NDUFS6: variants seen among roughly 807,000 people sequenced by gnomAD.
NDUFS6 encodes NADH dehydrogenase [ubiquinone] iron-sulfur protein 6, mitochondrial.
A neutral mutation model predicts 13.2 loss-of-function variants in NDUFS6; 14 were observed. That is an observed-to-expected ratio of 1.06 (90% confidence interval 0.70 to 1.66). NDUFS6 has a LOEUF of 1.66. Ranked by LOEUF, NDUFS6 falls within the 40% of genes most tolerant of loss-of-function variation. NDUFS6 has a pLI of 0.00. For synonymous variants in NDUFS6, 95 were observed against 72.3 expected, an observed-to-expected ratio of 1.31 and a Z score of -1.60; for missense variants, 206 against 170.8, an observed-to-expected ratio of 1.21 and a Z score of -1.15.
At chr5:1,803,669 A>G (rs577860532) in intron 2 of NDUFS6, among the ~76,000 whole-genome samples, 7 of 152,044 alleles carry the variant, frequency 4.6e-5, no homozygotes, top group Non-Finnish European at 1.0e-4. Flanking sequence ...ATCCTCAGAA[A>G]CCCTTTTCTG....
Position 1,814,517 on chromosome 5 carries a change from C to T in NDUFS6, c.309+56C>T. ...GGGCAGCCTGCTCGTCCTCATACTC[C>T]CCTTCACTCCCAGTGCCTGTTCTTT... On this transcript the variant is annotated intron_variant, in intron 3 of 3. Coordinates refer to ENST00000274137, the MANE Select transcript of NDUFS6 (RefSeq NM_004553.6). This position sits in a 1 kb window ranked among gnomAD's most constrained non-coding sequence, Gnocchi z 4.9. 1.2e-6 allele frequency: 2 copies of T among 1,613,256 alleles called. No individual in the cohort carries two copies. Among genetic ancestry groups the T allele is most frequent in the Non-Finnish European group, 1.7e-6 (2 of 1,179,578 alleles).
intron 2 of NDUFS6, among the ~76,000 whole-genome samples, chr5:1,809,411 A>G (rs1415703005): frequency 6.6e-6 from 1 of 152,076 alleles, no homozygotes; most frequent in Non-Finnish European, 1.5e-5. Flanking sequence ...GGGTGTGTTC[A>G]CTGCCGGAGC....
chr5:1,815,799 G>T, intron 3 of NDUFS6, 52 bp from the exon 4 acceptor site: 1 of 1,557,186 alleles, frequency 6.4e-7, no homozygotes. Context: ...TTAATATCTA[G>T]ATTTGAAGTA....
In NDUFS6 at chr5:1,814,620, A is replaced by G. The variant is rs1362307741; in HGVS notation, c.309+159A>G. 4 of 1,108,078 alleles carry G rather than the reference A, an allele frequency of 3.6e-6. No homozygotes were observed. The highest frequency in any genetic ancestry group is 2.6e-5 in the East Asian group (1 of 38,970). The allele number at this position is 1,108,078 out of a possible 1,614,324, so 68.6% of individuals were successfully genotyped here. A position where few individuals can be genotyped will look rare whatever the true frequency, so the allele number is the denominator to read the frequency against. On this transcript the variant is annotated intron_variant, in intron 3 of 3. Coordinates refer to ENST00000274137, the MANE Select transcript of NDUFS6 (RefSeq NM_004553.6). The surrounding 1 kb of genome is among the most constrained non-coding windows in gnomAD (Gnocchi z 4.9). ...TGGCACATTCACCCTACAGCGCCAC[A>G]CTACAGGGCCTACATAGAGCCGCCT...
At position 1,814,312 on chromosome 5, in the gene NDUFS6, T is replaced by G. The variant is rs755805210; in HGVS notation, c.187-27T>G. 5.0e-6 allele frequency: 8 copies of G among 1,614,186 alleles called. No homozygotes were observed. The Admixed American group carries it at 1.3e-4, about 27-fold the overall frequency. Reference sequence around the variant, plus strand: ...GTAGTTAGCAAGTTTGTGTATTTGTTTACGTAAGTCTTTCTTCTTGTTCCA... The same window carrying G: ...GTAGTTAGCAAGTTTGTGTATTTGTGTACGTAAGTCTTTCTTCTTGTTCCA... On this transcript the variant is annotated intron_variant, in intron 2 of 3. Transcript: ENST00000274137. The surrounding 1 kb of genome is among the most constrained non-coding windows in gnomAD (Gnocchi z 4.9).
chr5:1,814,789 C>G lies in NDUFS6; in HGVS notation c.309+328C>G. 3.0e-6 allele frequency: 2 copies of G among 667,620 alleles called. No homozygotes were observed. Among genetic ancestry groups the G allele is most frequent in the South Asian group, 3.2e-5 (2 of 62,812 alleles). 41.4% of individuals were successfully genotyped at this position (667,620 alleles called of 1,614,324 possible). A position where few individuals can be genotyped will look rare whatever the true frequency, so the allele number is the denominator to read the frequency against. ...CACACACAGCACCGCAGGCTGGGGT[C>G]GAAAACAACAAACACATTTCCCACA... On this transcript the variant is annotated intron_variant, in intron 3 of 3. Coordinates refer to ENST00000274137, the MANE Select transcript of NDUFS6 (RefSeq NM_004553.6). The surrounding 1 kb of genome is among the most constrained non-coding windows in gnomAD (Gnocchi z 4.9).
chr5:1,807,577 C>A (rs1225894205), intron 2 of NDUFS6, among the ~76,000 whole-genome samples: 1 of 152,220 alleles, frequency 6.6e-6, no homozygotes, highest in African/African-American at 2.4e-5. Context: ...GGGCAGGGCA[C>A]ACTCGGGTGG....
chr5:1,812,881 T>C (rs6555012), intron 2 of NDUFS6, among the ~76,000 whole-genome samples: 130,088 of 151,808 alleles, frequency 0.86, 56,393 homozygotes, highest in Non-Finnish European at 0.91. Context: ...GGTGAAACCC[T>C]GTCTCTACTA....
At chr5:1,802,290 A>G (rs754065118) in intron 1 of NDUFS6, 31 bp from the exon 2 acceptor site, 1 of 1,604,148 alleles carries the variant, frequency 6.2e-7, no homozygotes, top group East Asian at 2.2e-5. Context: ...AGGCCGTAAA[A>G]GTCACACATG....
rs1579218616 is a variant in NDUFS6, at chr5:1,814,584, G to A, written c.309+123G>A. The A allele has an allele frequency of 2.1e-6, 3 of 1,438,380 alleles. No individual in the cohort carries two copies. Among genetic ancestry groups the A allele is most frequent in the Non-Finnish European group, 2.9e-6 (3 of 1,047,172 alleles). The allele number at this position is 1,438,380 out of a possible 1,614,324, so 89.1% of individuals were successfully genotyped here. A position where few individuals can be genotyped will look rare whatever the true frequency, so the allele number is the denominator to read the frequency against. ...CTGCTCCCGAGGCGGCCCTTACGGG[G>A]TTCACACTGCTGGCACATTCACCCT... On this transcript the variant is annotated intron_variant, in intron 3 of 3. Transcript: ENST00000274137. This position sits in a 1 kb window ranked among gnomAD's most constrained non-coding sequence, Gnocchi z 4.9.
At chr5:1,812,330 T>TGCCCTGTCTC (rs1734230663) in intron 2 of NDUFS6, among the ~76,000 whole-genome samples, 3 of 151,972 alleles carry the variant, frequency 2.0e-5, no homozygotes, top group African/African-American at 7.2e-5. Context: ...GCATTGACTA[T>TGCCCTGTCTC]TCAGTTTCCA....
In NDUFS6 at chr5:1,809,301, T is replaced by TGCA. The variant is rs1275783873; in HGVS notation, c.187-5032_187-5030dup. Among the ~76,000 whole-genome samples the TGCA allele has an allele frequency of 3.9e-5, 6 of 152,302 alleles. No homozygotes were observed. The South Asian group carries it at 1.2e-3, about 32-fold the overall frequency. On this transcript the variant is annotated intron_variant, in intron 2 of 3. Coordinates refer to ENST00000274137, the MANE Select transcript of NDUFS6 (RefSeq NM_004553.6). ...GTTCTCCCTTGATTCCCTCGTGAAG[T>TGCA]GCAGCAGCGCTCTTCAGTTTTTCTC...
At chr5:1,810,138 T>G (rs1203393687) in intron 2 of NDUFS6, among the ~76,000 whole-genome samples, 1 of 152,182 alleles carries the variant, frequency 6.6e-6, no homozygotes, top group Non-Finnish European at 1.5e-5. Context: ...CAGAAATGAG[T>G]GACTTTGTGA....
Position 1,801,502 on chromosome 5 carries a change from G to T in NDUFS6, c.85G>T (p.Gly29Trp), listed in dbSNP as rs745379467. 1 of 1,601,344 alleles carries T rather than the reference G, an allele frequency of 6.2e-7. No homozygotes were observed. Among genetic ancestry groups the T allele is most frequent in the Non-Finnish European group, 8.5e-7 (1 of 1,178,636 alleles). The change falls in exon 1 of 4, where the codon GGG becomes TGG. Residue 29 changes from glycine to tryptophan, a missense_variant. Physicochemically the swap from Gly to Trp is radical, Grantham distance 184. Transcript: ENST00000274137. ...CCTGCCCCTGGGCGCCAGGTGTTTC[G>T]GGGTGCGGGTCTCGCCGACCGGGGA... is the stretch of plus-strand genomic sequence containing the variant. ...RSLPLGARCFGVRVSPTGEKV... is the reference protein window; with the variant it reads ...RSLPLGARCFWVRVSPTGEKV...
chr5:1,815,259 G>A (rs1280155201), intron 3 of NDUFS6, among the ~76,000 whole-genome samples: 1 of 152,110 alleles, frequency 6.6e-6, no homozygotes, highest in Non-Finnish European at 1.5e-5. Flanking sequence ...GGACTCGGGC[G>A]GCTGCTGACC....
At chr5:1,806,357 C>T (rs1023945809) in intron 2 of NDUFS6, among the ~76,000 whole-genome samples, 1 of 152,140 alleles carries the variant, frequency 6.6e-6, no homozygotes, top group African/African-American at 2.4e-5. Flanking sequence ...CACAGCTGGG[C>T]GTTTGGGTCA....
At position 1,801,410 on chromosome 5, in the gene NDUFS6, G is replaced by T; in HGVS notation, c.-8G>T. On this transcript the variant is annotated 5_prime_UTR_variant, in exon 1 of 4. Transcript: ENST00000274137. Reference sequence around the variant, plus strand: ...ACGTTGCGCCGGGTCAAAGGCCAGCGGCGCAAAATGGCGGCGGCGATGACC... The same window carrying T: ...ACGTTGCGCCGGGTCAAAGGCCAGCTGCGCAAAATGGCGGCGGCGATGACC... 1 of 1,605,264 alleles carries T rather than the reference G, an allele frequency of 6.2e-7. No homozygotes were observed. The highest frequency in any genetic ancestry group is 8.5e-7 in the Non-Finnish European group (1 of 1,178,128).
chr5:1,815,650 G>A (rs1734296579), intron 3 of NDUFS6, among the ~76,000 whole-genome samples: 1 of 152,240 alleles, frequency 6.6e-6, no homozygotes, highest in Non-Finnish European at 1.5e-5. Flanking sequence ...GGGGATGGCT[G>A]CGTAGCCCGG....
intron 2 of NDUFS6, among the ~76,000 whole-genome samples, chr5:1,802,679 T>TA (rs1247424717): frequency 6.6e-6 from 1 of 152,174 alleles, no homozygotes; most frequent in East Asian, 1.9e-4. Flanking sequence ...ATATCAACTT[T>TA]AAAAAAATTA....
Sources: allele counts gnomAD v4.1 joint callset (sites outside exome capture counted in the v4.1 genomes callset), GRCh38; gene constraint gnomAD v4.1.1; non-coding constraint Gnocchi (gnomAD v3.1); transcripts MANE v1.5; gene names NCBI Gene and HGNC (gene_info 2026-07-23, HGNC 2026-07-21).